SPOCK1: variants seen among roughly 807,000 people sequenced by gnomAD.
SPOCK1 encodes SPARC (osteonectin), cwcv and kazal like domains proteoglycan 1, also known as testican-1.
A neutral mutation model predicts 55.3 loss-of-function variants in SPOCK1; 23 were observed. The ratio of observed to expected loss-of-function variants is 0.42; its 90% CI spans 0.30 to 0.59. SPOCK1 has a LOEUF of 0.59. Among genes scored for constraint, SPOCK1 ranks in the 20% least tolerant of loss-of-function variants. The pLI is 0.22. For synonymous variants in SPOCK1, 226 were observed against 221.0 expected, an observed-to-expected ratio of 1.02 and a Z score of -0.20; for missense variants, 499 against 552.5, an observed-to-expected ratio of 0.90 and a Z score of 0.97.
chr5:137,357,442 T>G (rs1750841928), intron 2 of SPOCK1, among the ~76,000 whole-genome samples: 1 of 152,072 alleles, frequency 6.6e-6, no homozygotes, highest in Admixed American at 6.6e-5. Flanking sequence ...GATGTGGGAA[T>G]GAGAAGTGGA....
intron 2 of SPOCK1, among the ~76,000 whole-genome samples, chr5:137,477,219 T>A (rs1753854449): frequency 6.6e-6 from 1 of 152,224 alleles, no homozygotes. Context: ...CATATACAGC[T>A]CATGATTTCA....
At chr5:137,041,492 A>G (rs1751997892) in intron 6 of SPOCK1, among the ~76,000 whole-genome samples, 1 of 152,178 alleles carries the variant, frequency 6.6e-6, no homozygotes, top group African/African-American at 2.4e-5. Context: ...AAAAACTTAT[A>G]CTCTGTGAAT....
chr5:137,442,516 T>G (rs962399294), intron 2 of SPOCK1, among the ~76,000 whole-genome samples: 1 of 152,232 alleles, frequency 6.6e-6, no homozygotes, highest in Non-Finnish European at 1.5e-5. Context: ...TTAAATAAGA[T>G]AGTGCGTGTA....
intron 6 of SPOCK1, among the ~76,000 whole-genome samples, chr5:137,030,886 A>C (rs559283218): frequency 6.6e-6 from 1 of 152,308 alleles, no homozygotes; most frequent in South Asian, 2.1e-4. Context: ...AGCCCTTTAA[A>C]ATCAATTCCT....
chr5:137,401,668 C>G (rs908621447), intron 2 of SPOCK1, among the ~76,000 whole-genome samples: 1 of 152,108 alleles, frequency 6.6e-6, no homozygotes, highest in Non-Finnish European at 1.5e-5. Context: ...TCACTTGAGT[C>G]CAGGAGTTTG....
At chr5:136,997,429 A>G (rs1242340533) in intron 6 of SPOCK1, among the ~76,000 whole-genome samples, 1 of 151,594 alleles carries the variant, frequency 6.6e-6, no homozygotes, top group East Asian at 1.9e-4. Context: ...TTCTCCATCC[A>G]GCAGCCAAAG....
At chr5:136,999,296 CGGGCAGTAGTCTTTGGAGGAAAGAA>C (rs1751104772) in intron 6 of SPOCK1, among the ~76,000 whole-genome samples, 1 of 152,020 alleles carries the variant, frequency 6.6e-6, no homozygotes, top group African/African-American at 2.4e-5. Flanking sequence ...TTAGACTCCC[CGGGCAGTAGTCTTTGGAGGAAAGAA>C]GGGTTGCTTC....
intron 2 of SPOCK1, among the ~76,000 whole-genome samples, chr5:137,302,402 T>A (rs1215674558): frequency 1.4e-5 from 1 of 73,332 alleles, no homozygotes; most frequent in East Asian, 3.5e-4. Flanking sequence ...ACCCCGTCTC[T>A]ACTAAAAATA....
intron 5 of SPOCK1, among the ~76,000 whole-genome samples, chr5:137,096,891 G>C (rs555140735): frequency 6.6e-6 from 1 of 152,328 alleles, no homozygotes; most frequent in South Asian, 2.1e-4. Flanking sequence ...TGGACTCTAT[G>C]AGTCAGGGTG....
At chr5:137,446,112 G>A (rs1248241286) in intron 2 of SPOCK1, among the ~76,000 whole-genome samples, 1 of 152,096 alleles carries the variant, frequency 6.6e-6, no homozygotes, top group Admixed American at 6.6e-5. Flanking sequence ...ATATATGCAG[G>A]CTCCACAATA....
intron 2 of SPOCK1, among the ~76,000 whole-genome samples, chr5:137,486,461 C>T (rs1754057434): frequency 6.6e-6 from 1 of 152,190 alleles, no homozygotes; most frequent in African/African-American, 2.4e-5. Context: ...TTCACTTTGT[C>T]GCAAATAGAA....
In SPOCK1 at chr5:137,147,934, C is replaced by T. The variant is rs905693689; in HGVS notation, c.233-7240G>A. ...TGAAGATGAGAAAACCAATTTGAAA[C>T]GGTAAAGTAACTTCCCAGCACCATA... On this transcript the variant is annotated intron_variant, in intron 3 of 10. Transcript: ENST00000394945. Among the ~76,000 whole-genome samples the T allele has an allele frequency of 3.9e-5, 6 of 152,136 alleles. 1 individual carries two copies. Among genetic ancestry groups the T allele is most frequent in the Admixed American group, 1.3e-4 (2 of 15,276 alleles).
intron 2 of SPOCK1, among the ~76,000 whole-genome samples, chr5:137,281,163 T>C (rs1421859037): frequency 3.3e-5 from 5 of 152,204 alleles, no homozygotes; most frequent in Admixed American, 6.5e-5. Flanking sequence ...GACTCATTCA[T>C]TTAAAGCCCT....
At chr5:137,292,725 T>C (rs1467360168) in intron 2 of SPOCK1, among the ~76,000 whole-genome samples, 1 of 151,080 alleles carries the variant, frequency 6.6e-6, no homozygotes, top group Non-Finnish European at 1.5e-5. Flanking sequence ...CAAAATGGTA[T>C]TTTACTACCT....
At chr5:137,233,443 G>C (rs1756110681) in intron 3 of SPOCK1, among the ~76,000 whole-genome samples, 1 of 152,104 alleles carries the variant, frequency 6.6e-6, no homozygotes, top group Non-Finnish European at 1.5e-5. Flanking sequence ...CTGCTGATCT[G>C]ACAGGAGGTG....
intron 3 of SPOCK1, among the ~76,000 whole-genome samples, chr5:137,253,314 T>C (rs1013607938): frequency 1.8e-4 from 28 of 152,214 alleles, no homozygotes; most frequent in Admixed American, 5.2e-4. Context: ...CATTTTTCTT[T>C]CTTACTCCCT....
chr5:136,997,826 C>T (rs187307773), intron 6 of SPOCK1, among the ~76,000 whole-genome samples: 1 of 152,286 alleles, frequency 6.6e-6, no homozygotes, highest in Admixed American at 6.5e-5. Flanking sequence ...CCATCTCGTT[C>T]AGTGCCCATT....
At chr5:137,467,686 G>A (rs1753647468) in intron 2 of SPOCK1, among the ~76,000 whole-genome samples, 1 of 152,180 alleles carries the variant, frequency 6.6e-6, no homozygotes, top group Non-Finnish European at 1.5e-5. Flanking sequence ...AAAAGGATGA[G>A]AAATAGTTAA....
chr5:137,227,875 G>A (rs1262543782), intron 3 of SPOCK1, among the ~76,000 whole-genome samples: 2 of 152,040 alleles, frequency 1.3e-5, no homozygotes, highest in Admixed American at 1.3e-4. Context: ...TATTTCTTGG[G>A]GCCTCATGTG....
Sources: allele counts gnomAD v4.1 joint callset (sites outside exome capture counted in the v4.1 genomes callset), GRCh38; gene constraint gnomAD v4.1.1; transcripts MANE v1.5; gene names NCBI Gene and HGNC (gene_info 2026-07-23, HGNC 2026-07-21).